The following PRMT3 variants were observed in gnomAD, a reference collection of about 807,000 sequenced individuals.
The protein encoded by PRMT3 is protein arginine methyltransferase 3.
Under a neutral mutation model 71.9 loss-of-function variants are expected in PRMT3, and 62 were observed. That is an observed-to-expected ratio of 0.86 (90% confidence interval 0.70 to 1.07). PRMT3 has a LOEUF of 1.07. PRMT3 is among the 50% of genes least tolerant of loss of function. PRMT3 has a pLI of 0.00. For missense variants in PRMT3, 663 were observed against 643.0 expected (o/e 1.03, Z -0.34); for synonymous variants, 213 against 220.4 (o/e 0.97, Z 0.30).
At chr11:20,430,942 G>A (rs1849641824) in intron 10 of PRMT3, among the ~76,000 whole-genome samples, 1 of 152,100 alleles carries the variant, frequency 6.6e-6, no homozygotes, top group African/African-American at 2.4e-5. Context: ...ACCAATAGAA[G>A]TTCTTGTTTT....
intron 13 of PRMT3, among the ~76,000 whole-genome samples, chr11:20,477,119 G>C (rs1565230023): frequency 6.6e-6 from 1 of 152,144 alleles, no homozygotes; most frequent in Non-Finnish European, 1.5e-5. Context: ...TTACAGTAAG[G>C]ATGACCACTA....
intron 9 of PRMT3, among the ~76,000 whole-genome samples, chr11:20,412,410 C>A (rs12802026): frequency 6.6e-6 from 1 of 151,246 alleles, no homozygotes; most frequent in African/African-American, 2.4e-5. Flanking sequence ...CCCCCCCCAC[C>A]TTTGTTTTGA....
intron 10 of PRMT3, among the ~76,000 whole-genome samples, chr11:20,451,720 A>G: frequency 6.6e-6 from 1 of 152,004 alleles, no homozygotes; most frequent in Non-Finnish European, 1.5e-5. Flanking sequence ...AGTTGCAACA[A>G]TCAAAAATTA....
At position 20,456,093 on chromosome 11, in the gene PRMT3, C is replaced by G. The variant is rs35649398; in HGVS notation, c.1072+3885C>G. On this transcript the variant is annotated intron_variant, in intron 11 of 15. Transcript: ENST00000331079. ...GCAGAATATGCTATAAGCAAAGTCACAAGAGAAACTACATACTGAAAATAA... is the reference window on the plus strand; with the variant it reads ...GCAGAATATGCTATAAGCAAAGTCAGAAGAGAAACTACATACTGAAAATAA... Among the ~76,000 whole-genome samples, 303 of 152,212 alleles carry G rather than the reference C, an allele frequency of 2.0e-3. 2 individuals are homozygous for G. The highest frequency in any genetic ancestry group is 7.2e-3 in the African/African-American group (298 of 41,548).
chr11:20,495,589 A>G (rs923843260), intron 15 of PRMT3, among the ~76,000 whole-genome samples: 5 of 152,160 alleles, frequency 3.3e-5, no homozygotes, highest in Admixed American at 3.3e-4. Context: ...CTGCCTATCC[A>G]AATCTTATGC....
chr11:20,481,713 A>T (rs1181366415), intron 13 of PRMT3, among the ~76,000 whole-genome samples: 3 of 152,232 alleles, frequency 2.0e-5, no homozygotes, highest in Non-Finnish European at 4.4e-5. Context: ...GATTCTGTCT[A>T]GTTCTAATAT....
At chr11:20,437,772 G>A (rs568579078) in intron 10 of PRMT3, among the ~76,000 whole-genome samples, 81 of 152,156 alleles carry the variant, frequency 5.3e-4, no homozygotes, top group African/African-American at 1.9e-3. Context: ...TGCATTTTTA[G>A]TAGAGACAGG....
chr11:20,392,265 G>A lies in PRMT3; in HGVS notation c.297+5G>A. 6.4e-7 allele frequency: 1 copy of A among 1,559,114 alleles called. No homozygotes were observed. Among genetic ancestry groups the A allele is most frequent in the Non-Finnish European group, 8.7e-7 (1 of 1,143,678 alleles). On this transcript the variant is annotated splice_donor_5th_base_variant and intron_variant, in intron 4 of 15. Coordinates refer to ENST00000331079, the MANE Select transcript of PRMT3 (RefSeq NM_005788.4). ...ATAAATTTTATTAGACTTAAGGTAA[G>A]TTGACAGCTTAATTTATAATTTCGT...
chr11:20,407,817 C>A, intron 8 of PRMT3, 94 bp from the exon 9 acceptor site: 1 of 1,275,096 alleles, frequency 7.8e-7, no homozygotes. Flanking sequence ...TGATCTTTTC[C>A]TAGCCAGAAA....
At chr11:20,489,148 T>C (rs963453871) in intron 13 of PRMT3, among the ~76,000 whole-genome samples, 1 of 152,094 alleles carries the variant, frequency 6.6e-6, no homozygotes, top group Non-Finnish European at 1.5e-5. Context: ...TTTTTGTTTT[T>C]TTACTACTTA....
rs1590062784 is a variant in PRMT3, at chr11:20,436,642, TG to T, written c.993+9779del. ...ATCTGGGATGAATCCCACTTGATCA[TG>T]GCAAGTGATCTTCTGATGTGCCACA... On this transcript the variant is annotated intron_variant, in intron 10 of 15. Transcript: ENST00000331079. 3.3e-5 allele frequency among the ~76,000 whole-genome samples: 5 copies of T among 152,316 alleles called. No individual in the cohort carries two copies. In the East Asian group the frequency reaches 9.7e-4, roughly 29 times the overall value.
chr11:20,493,853 A>C, intron 13 of PRMT3, 66 bp from the exon 14 acceptor site: 3 of 1,061,910 alleles, frequency 2.8e-6, no homozygotes, highest in Non-Finnish European at 4.2e-6. Flanking sequence ...CTTAAGAGAC[A>C]GTAATGAGTT....
intron 15 of PRMT3, among the ~76,000 whole-genome samples, chr11:20,497,134 C>T (rs1313899995): frequency 9.2e-5 from 14 of 152,090 alleles, no homozygotes; most frequent in Non-Finnish European, 1.6e-4. Context: ...GTGAGGGAGA[C>T]TTAAGATAGC....
At position 20,393,017 on chromosome 11, in the gene PRMT3, G is replaced by A. The variant is rs543086323; in HGVS notation, c.400+18G>A. 3.4e-6 allele frequency: 5 copies of A among 1,477,982 alleles called. No homozygotes were observed. The highest frequency in any genetic ancestry group is 2.8e-5 in the African/African-American group (2 of 72,032). 91.6% of individuals were successfully genotyped at this position (1,477,982 alleles called of 1,614,324 possible). The stretch of plus-strand genomic sequence containing the variant: ...TCAATTTGGTAAGATGAACATAAGT[G>A]TATCTCCTTTAATTAACATAAGGCC... On this transcript the variant is annotated intron_variant, in intron 5 of 15. Coordinates refer to ENST00000331079, the MANE Select transcript of PRMT3 (RefSeq NM_005788.4).
At chr11:20,496,559 G>T (rs908677180) in intron 15 of PRMT3, among the ~76,000 whole-genome samples, 4 of 145,638 alleles carry the variant, frequency 2.7e-5, no homozygotes, top group African/African-American at 1.0e-4. Context: ...GAAACAAGCA[G>T]CTCAGATTCA....
At chr11:20,493,362 T>A (rs1031515804) in intron 13 of PRMT3, among the ~76,000 whole-genome samples, 1 of 152,220 alleles carries the variant, frequency 6.6e-6, no homozygotes, top group Admixed American at 6.5e-5. Flanking sequence ...TTTGTATAAA[T>A]AGGATGTTTT....
At chr11:20,508,015 A>G (rs896982757) in intron 15 of PRMT3, among the ~76,000 whole-genome samples, 4 of 151,984 alleles carry the variant, frequency 2.6e-5, no homozygotes, top group African/African-American at 9.7e-5. Flanking sequence ...CTGAGGCAGG[A>G]AAATCTCTTG....
chr11:20,459,032 G>A (rs1850326686), intron 11 of PRMT3, among the ~76,000 whole-genome samples: 1 of 151,902 alleles, frequency 6.6e-6, no homozygotes, highest in African/African-American at 2.4e-5. Context: ...CAGTTTTATA[G>A]GCCATATAGC....
At chr11:20,447,692 C>G (rs1209966498) in intron 10 of PRMT3, among the ~76,000 whole-genome samples, 1 of 151,996 alleles carries the variant, frequency 6.6e-6, no homozygotes, top group Non-Finnish European at 1.5e-5. Flanking sequence ...TTTTACGTAA[C>G]ACTTTGCTAG....
Sources: gnomAD v4.1 joint callset for allele counts (sites outside exome capture counted in the v4.1 genomes callset) on GRCh38, gnomAD v4.1.1 for gene constraint, MANE v1.5 for transcripts, NCBI Gene and HGNC (gene_info 2026-07-23, HGNC 2026-07-21) for gene names.